CDH12: variants seen among roughly 807,000 people sequenced by gnomAD.
CDH12 encodes cadherin-12.
CDH12 carries 41 observed loss-of-function variants against 74.1 expected under a neutral mutation model. The ratio of observed to expected loss-of-function variants is 0.55; its 90% confidence interval spans 0.43 to 0.72. The LOEUF (loss-of-function observed/expected upper bound fraction) is 0.72, where lower values mean the gene tolerates loss of function less well. Ranked by LOEUF, CDH12 falls within the 30% of genes least tolerant of loss-of-function variation. CDH12 has a pLI of 0.00. For synonymous variants in CDH12, 399 were observed against 355.0 expected, an observed-to-expected ratio of 1.12 and a Z score of -1.39; for missense variants, 945 against 977.2, an observed-to-expected ratio of 0.97 and a Z score of 0.44.
chr5:21,921,631 T>C (rs1331329449), intron 6 of CDH12, among the ~76,000 whole-genome samples: 1 of 152,186 alleles, frequency 6.6e-6, no homozygotes, highest in African/African-American at 2.4e-5. Flanking sequence ...AATGATCAGA[T>C]GAAAAAGAAA....
intron 4 of CDH12, among the ~76,000 whole-genome samples, chr5:22,108,786 T>A (rs1323026447): frequency 6.6e-6 from 1 of 152,216 alleles, no homozygotes; most frequent in Non-Finnish European, 1.5e-5. Context: ...AGATGCCTTC[T>A]CAGTAATAAT....
intron 5 of CDH12, among the ~76,000 whole-genome samples, chr5:22,021,616 C>T (rs1737982575): frequency 6.6e-6 from 1 of 152,110 alleles, no homozygotes; most frequent in Admixed American, 6.5e-5. Context: ...TATTCACTTT[C>T]AGTATAGTAC....
chr5:22,447,424 A>C (rs529814767), intron 2 of CDH12, among the ~76,000 whole-genome samples: 1 of 152,236 alleles, frequency 6.6e-6, no homozygotes, highest in Non-Finnish European at 1.5e-5. Context: ...AAATATTAAC[A>C]AGCCTAATGC....
At chr5:21,972,908 A>G (rs1398367411) in intron 6 of CDH12, among the ~76,000 whole-genome samples, 1 of 151,830 alleles carries the variant, frequency 6.6e-6, no homozygotes, top group Non-Finnish European at 1.5e-5. Flanking sequence ...GTTATTAAAA[A>G]TAAAAAAAAA....
At chr5:22,042,528 A>G (rs1739641921) in intron 5 of CDH12, among the ~76,000 whole-genome samples, 1 of 152,164 alleles carries the variant, frequency 6.6e-6, no homozygotes, top group Admixed American at 6.5e-5. Context: ...TATACCAACA[A>G]ACTGGAAAAC....
At chr5:22,502,797 G>A (rs1013080048) in intron 2 of CDH12, among the ~76,000 whole-genome samples, 5 of 152,024 alleles carry the variant, frequency 3.3e-5, no homozygotes, top group African/African-American at 1.2e-4. Context: ...TTTCATTAAA[G>A]TTTCTTCATC....
chr5:22,117,648 T>C (rs1396796935), intron 4 of CDH12, among the ~76,000 whole-genome samples: 1 of 147,316 alleles, frequency 6.8e-6, no homozygotes, highest in Non-Finnish European at 1.5e-5. Context: ...GAAATGTTAT[T>C]CGCTTTAAAT....
chr5:22,090,574 C>T (rs542743187), intron 4 of CDH12, among the ~76,000 whole-genome samples: 1 of 149,938 alleles, frequency 6.7e-6, no homozygotes, highest in Non-Finnish European at 1.5e-5. Context: ...CCAACCAACA[C>T]TTGACAAGAT....
In CDH12 at chr5:22,409,450, T is replaced by C. The variant is rs975516635; in HGVS notation, c.-427-4099A>G. ...TCTTATTTCTCCAATTCAAAACCAA[T>C]TGAAAACTAGCTTATTTTCCAAGTT... On this transcript the variant is annotated intron_variant, in intron 2 of 14. Transcript: ENST00000382254. Among the ~76,000 whole-genome samples the C allele has an allele frequency of 5.3e-5, 8 of 152,036 alleles. No homozygotes were observed. In the East Asian group the frequency reaches 1.5e-3, roughly 29 times the overall value.
chr5:22,564,300 G>C (rs2126755249), intron 1 of CDH12, among the ~76,000 whole-genome samples: 1 of 152,248 alleles, frequency 6.6e-6, no homozygotes, highest in South Asian at 2.1e-4. Context: ...TACAATATCT[G>C]TGTAACTATT....
In CDH12 at chr5:22,487,043, C is replaced by CTT. The variant is rs57276626; in HGVS notation, c.-428+18225_-428+18226dup. Among the ~76,000 whole-genome samples, 928 of 150,180 alleles carry CTT rather than the reference C, an allele frequency of 6.2e-3. 9 individuals are homozygous for CTT. The highest frequency in any genetic ancestry group is 0.014 in the African/African-American group (580 of 41,060). ...GAGGAAAATGCATATATACATACGGCTTTTTTTGTGTGTGTGTGGCATGAT... is the reference window on the plus strand; with the variant it reads ...GAGGAAAATGCATATATACATACGGCTTTTTTTTTGTGTGTGTGTGGCATGAT... On this transcript the variant is annotated intron_variant, in intron 2 of 14. Coordinates refer to ENST00000382254, the MANE Select transcript of CDH12 (RefSeq NM_004061.5).
At chr5:22,491,546 C>T (rs2126640894) in intron 2 of CDH12, among the ~76,000 whole-genome samples, 1 of 138,234 alleles carries the variant, frequency 7.2e-6, no homozygotes, top group Non-Finnish European at 1.5e-5. Flanking sequence ...CCCTGGGCCA[C>T]ACTGGAAGAA....
chr5:22,827,473 G>C (rs1736395960), intron 1 of CDH12, among the ~76,000 whole-genome samples: 1 of 152,190 alleles, frequency 6.6e-6, no homozygotes, highest in Non-Finnish European at 1.5e-5. Context: ...CTAGGGCAGT[G>C]AAGAAGGGAA....
intron 2 of CDH12, among the ~76,000 whole-genome samples, chr5:22,455,770 T>A (rs913265118): frequency 1.4e-4 from 22 of 152,162 alleles, no homozygotes; most frequent in African/African-American, 5.3e-4. Flanking sequence ...TTTGGTAGTT[T>A]GTAAACAACA....
chr5:21,904,105 T>G (rs965524233), intron 6 of CDH12, among the ~76,000 whole-genome samples: 1 of 152,174 alleles, frequency 6.6e-6, no homozygotes, highest in Non-Finnish European at 1.5e-5. Context: ...TTATAACTAC[T>G]GTCTGCATTG....
At chr5:22,540,139 T>A (rs959914402) in intron 1 of CDH12, among the ~76,000 whole-genome samples, 10 of 152,096 alleles carry the variant, frequency 6.6e-5, no homozygotes, top group African/African-American at 1.9e-4. Flanking sequence ...CACAGAGCAA[T>A]TTTATATTTT....
At chr5:21,805,622 G>T (rs1210727565) in intron 9 of CDH12, among the ~76,000 whole-genome samples, 1 of 152,028 alleles carries the variant, frequency 6.6e-6, no homozygotes, top group Non-Finnish European at 1.5e-5. Context: ...TGACAAAATG[G>T]TATATAGCTC....
chr5:22,129,445 A>G (rs1580296510), intron 4 of CDH12, among the ~76,000 whole-genome samples: 3 of 152,310 alleles, frequency 2.0e-5, no homozygotes, highest in African/African-American at 7.2e-5. Flanking sequence ...AGGAAATGAG[A>G]AAAATCTCAG....
chr5:22,210,687 A>C (rs565510096), intron 4 of CDH12, among the ~76,000 whole-genome samples: 2 of 152,136 alleles, frequency 1.3e-5, no homozygotes, highest in East Asian at 3.9e-4. Context: ...AATACATCCA[A>C]CAAAAAAGTT....
Sources: allele counts gnomAD v4.1 joint callset (sites outside exome capture counted in the v4.1 genomes callset), GRCh38; gene constraint gnomAD v4.1.1; transcripts MANE v1.5; gene names NCBI Gene and HGNC (gene_info 2026-07-23, HGNC 2026-07-21).